The following SLC9A9 variants were observed in gnomAD, a reference collection of about 807,000 sequenced individuals.
The protein encoded by SLC9A9 is sodium/hydrogen exchanger 9.
SLC9A9 carries 62 observed loss-of-function variants against 77.8 expected under a neutral mutation model. The ratio of observed to expected loss-of-function variants is 0.80; its 90% CI spans 0.65 to 0.98. The LOEUF (loss-of-function observed/expected upper bound fraction) is 0.98, where lower values mean the gene tolerates loss of function less well. Among genes scored for constraint, SLC9A9 ranks in the 50% least tolerant of loss-of-function variants. The pLI, the probability that SLC9A9 is intolerant of heterozygous loss-of-function variation, is 0.00. For synonymous variants in SLC9A9, 320 were observed against 283.5 expected, an observed-to-expected ratio of 1.13 and a Z score of -1.29; for missense variants, 775 against 774.9, an observed-to-expected ratio of 1.00 and a Z score of 0.00.
intron 4 of SLC9A9, among the ~76,000 whole-genome samples, chr3:143,713,285 C>A (rs1934245219): frequency 6.6e-6 from 1 of 152,146 alleles, no homozygotes; most frequent in Admixed American, 6.5e-5. Flanking sequence ...CGGATCTCAG[C>A]TAACACAGTT....
At chr3:143,801,067 A>T (rs1326164256) in intron 2 of SLC9A9, among the ~76,000 whole-genome samples, 2 of 152,174 alleles carry the variant, frequency 1.3e-5, no homozygotes, top group Non-Finnish European at 2.9e-5. Flanking sequence ...CACAAAAGGA[A>T]ACCTAGCTGA....
chr3:143,679,494 G>A (rs1933011778), intron 5 of SLC9A9, among the ~76,000 whole-genome samples: 1 of 152,154 alleles, frequency 6.6e-6, no homozygotes, highest in Admixed American at 6.5e-5. Flanking sequence ...TGCAGTTGGG[G>A]GCCGTCTAGT....
intron 12 of SLC9A9, among the ~76,000 whole-genome samples, chr3:143,451,772 T>C (rs570481989): frequency 6.6e-6 from 1 of 152,288 alleles, no homozygotes; most frequent in Admixed American, 6.5e-5. Context: ...ATGGAGGATA[T>C]GACCATTTTA....
At chr3:143,846,020 A>G (rs2108901954) in intron 1 of SLC9A9, among the ~76,000 whole-genome samples, 1 of 152,374 alleles carries the variant, frequency 6.6e-6, no homozygotes, top group East Asian at 1.9e-4. Flanking sequence ...GCAGTGGTCA[A>G]TGAACTACTA....
intron 14 of SLC9A9, among the ~76,000 whole-genome samples, chr3:143,327,801 G>A (rs1042928774): frequency 6.6e-6 from 1 of 152,112 alleles, no homozygotes; most frequent in Non-Finnish European, 1.5e-5. Flanking sequence ...GTGGTACTAG[G>A]TGCAGATTTT....
At chr3:143,621,797 T>C (rs569837982) in intron 6 of SLC9A9, among the ~76,000 whole-genome samples, 16 of 152,270 alleles carry the variant, frequency 1.1e-4, no homozygotes, top group Non-Finnish European at 2.1e-4. Flanking sequence ...GAAGAAGGCT[T>C]CAGACGATCA....
chr3:143,384,138 G>C (rs764620483), intron 12 of SLC9A9, among the ~76,000 whole-genome samples: 20 of 151,902 alleles, frequency 1.3e-4, no homozygotes, highest in Non-Finnish European at 2.5e-4. Context: ...AACAAGAAGG[G>C]GAAGGGGAGG....
At chr3:143,508,455 T>G (rs1347131818) in intron 9 of SLC9A9, among the ~76,000 whole-genome samples, 1 of 152,260 alleles carries the variant, frequency 6.6e-6, no homozygotes, top group Non-Finnish European at 1.5e-5. Context: ...GCAGGCTTTG[T>G]CACTGCCAGT....
intron 15 of SLC9A9, 144 bp downstream of exon 15, chr3:143,268,731 T>C: frequency 2.6e-6 from 1 of 388,496 alleles, no homozygotes; most frequent in East Asian, 5.4e-5. Flanking sequence ...AGACTCCGTC[T>C]CAAAAAAAAA....
intron 14 of SLC9A9, among the ~76,000 whole-genome samples, chr3:143,345,617 T>TA (rs1327264502): frequency 3.3e-5 from 5 of 151,836 alleles, no homozygotes; most frequent in African/African-American, 1.2e-4. Context: ...ATGAGAGAGG[T>TA]AAAGCAGGAT....
At chr3:143,505,455 G>C (rs944976902) in intron 9 of SLC9A9, among the ~76,000 whole-genome samples, 1 of 152,112 alleles carries the variant, frequency 6.6e-6, no homozygotes, top group Non-Finnish European at 1.5e-5. Flanking sequence ...ATCCAGTTTG[G>C]CAGGCTGGGC....
intron 4 of SLC9A9, among the ~76,000 whole-genome samples, chr3:143,770,893 CA>C (rs557548411): frequency 2.6e-5 from 4 of 152,140 alleles, no homozygotes; most frequent in Admixed American, 2.6e-4. Flanking sequence ...AAAGGAAATA[CA>C]AATAGCTCCT....
At chr3:143,575,662 C>G (rs2037345606) in intron 7 of SLC9A9, among the ~76,000 whole-genome samples, 1 of 152,168 alleles carries the variant, frequency 6.6e-6, no homozygotes, top group Non-Finnish European at 1.5e-5. Flanking sequence ...CTAGTGAGGT[C>G]TGTTCTCCTG....
chr3:143,488,553 C>T (rs1487696251), intron 11 of SLC9A9, among the ~76,000 whole-genome samples: 1 of 151,920 alleles, frequency 6.6e-6, no homozygotes, highest in Non-Finnish European at 1.5e-5. Flanking sequence ...TACACCATGA[C>T]CAAGTGAGAT....
intron 4 of SLC9A9, among the ~76,000 whole-genome samples, chr3:143,696,957 T>A (rs1395302631): frequency 6.6e-6 from 1 of 151,954 alleles, no homozygotes; most frequent in Non-Finnish European, 1.5e-5. Context: ...TTAAATAGTT[T>A]CCTATAAATT....
At chr3:143,419,063 G>A (rs1186283129) in intron 12 of SLC9A9, among the ~76,000 whole-genome samples, 3 of 151,956 alleles carry the variant, frequency 2.0e-5, no homozygotes, top group Non-Finnish European at 2.9e-5. Context: ...ACCAGTTTAC[G>A]GTAATTTAAT....
intron 6 of SLC9A9, among the ~76,000 whole-genome samples, chr3:143,593,755 G>A (rs1002831244): frequency 3.9e-5 from 6 of 152,186 alleles, no homozygotes; most frequent in African/African-American, 1.4e-4. Flanking sequence ...ATCACTTAAT[G>A]CTAATGAATG....
chr3:143,298,247 G>C (rs2030364178), intron 14 of SLC9A9, among the ~76,000 whole-genome samples: 1 of 152,168 alleles, frequency 6.6e-6, no homozygotes, highest in African/African-American at 2.4e-5. Context: ...TGGGTGTTTA[G>C]AGGTTGTACT....
At chr3:143,742,074 A>T (rs1371145695) in intron 4 of SLC9A9, among the ~76,000 whole-genome samples, 4 of 151,960 alleles carry the variant, frequency 2.6e-5, no homozygotes, top group Non-Finnish European at 5.9e-5. Flanking sequence ...ACCCTCCTTA[A>T]ACTGCTCTTA....
Sources: gnomAD v4.1 joint callset for allele counts (sites outside exome capture counted in the v4.1 genomes callset) on GRCh38, gnomAD v4.1.1 for gene constraint, MANE v1.5 for transcripts, NCBI Gene and HGNC (gene_info 2026-07-23, HGNC 2026-07-21) for gene names.